Variants in TRERF1 observed in about 807,000 individuals in gnomAD.
TRERF1 encodes the protein transcriptional regulating factor 1, also known as transcriptional-regulating factor 1.
A neutral mutation model predicts 122.9 loss-of-function variants in TRERF1; 27 were observed. The observed-to-expected ratio is 0.22, with a 90% CI of 0.16 to 0.30. TRERF1 has a LOEUF of 0.30. Among genes scored for constraint, TRERF1 ranks in the 10% least tolerant of loss-of-function variants. TRERF1 has a pLI of 1.00. For missense variants in TRERF1, 1,248 were observed against 1,560.3 expected (o/e 0.80, Z 3.37); for synonymous variants, 636 against 641.7 (o/e 0.99, Z 0.13).
At chr6:42,257,574 C>A (rs1777005172) in intron 10 of TRERF1, among the ~76,000 whole-genome samples, 1 of 152,202 alleles carries the variant, frequency 6.6e-6, no homozygotes, top group Admixed American at 6.5e-5. Flanking sequence ...CTAAACCCTA[C>A]AAAGGTTAAC....
At chr6:42,238,238 G>A (rs1282511416) in intron 15 of TRERF1, among the ~76,000 whole-genome samples, 1 of 152,140 alleles carries the variant, frequency 6.6e-6, no homozygotes, top group Non-Finnish European at 1.5e-5. Flanking sequence ...AGATGACAAT[G>A]CCATTTGTTT....
intron 2 of TRERF1, among the ~76,000 whole-genome samples, chr6:42,441,465 G>A (rs1253510896): frequency 6.6e-6 from 1 of 152,160 alleles, no homozygotes; most frequent in African/African-American, 2.4e-5. Context: ...TAAAAGGAAT[G>A]GGGGATGGGA....
chr6:42,262,157 C>T (rs763696586), intron 8 of TRERF1, among the ~76,000 whole-genome samples: 4 of 152,086 alleles, frequency 2.6e-5, no homozygotes, highest in Non-Finnish European at 5.9e-5. Flanking sequence ...TGTTGCTGAC[C>T]CCCAAGTCCT....
At chr6:42,303,777 G>A (rs1582920446) in intron 3 of TRERF1, among the ~76,000 whole-genome samples, 4 of 151,996 alleles carry the variant, frequency 2.6e-5, no homozygotes, top group African/African-American at 9.7e-5. Context: ...TTAGCCAGGT[G>A]TGGTGGTTTG....
Position 42,259,397 on chromosome 6 carries a change from G to A in TRERF1, c.2211C>T (p.His737=), listed in dbSNP as rs1332924205. The A allele has an allele frequency of 2.6e-6, 4 of 1,531,748 alleles. No individual in the cohort carries two copies. Among genetic ancestry groups the A allele is most frequent in the Admixed American group, 2.1e-5 (1 of 48,460 alleles). The allele number at this position is 1,531,748 out of a possible 1,614,324, so 94.9% of individuals were successfully genotyped here. The change falls in exon 9 of 18, where the codon CAC becomes CAT. Residue 737 remains histidine (H), a synonymous_variant. Coordinates refer to ENST00000372922, the Ensembl canonical transcript of TRERF1. The surrounding 1 kb of genome is among the most constrained non-coding windows in gnomAD (Gnocchi z 4.9). ...TCAGGGGCGTCAGGGGCAGCTGCGG[G>A]TGGGCGCCAGGGCCGTGGCCGGAGA... is the stretch of plus-strand genomic sequence containing the variant.
intron 10 of TRERF1, among the ~76,000 whole-genome samples, chr6:42,257,622 A>C (rs1000925196): frequency 3.3e-5 from 5 of 152,250 alleles, no homozygotes; most frequent in African/African-American, 1.2e-4. Flanking sequence ...GTTGGAACTT[A>C]GGTTTTTTGA....
chr6:42,415,263 G>A (rs1781674127), intron 2 of TRERF1, among the ~76,000 whole-genome samples: 1 of 151,714 alleles, frequency 6.6e-6, no homozygotes, highest in East Asian at 1.9e-4. Context: ...TTATTTTTAA[G>A]GGCTCTTTGT....
intron 4 of TRERF1, among the ~76,000 whole-genome samples, chr6:42,282,790 T>C (rs1187464765): frequency 2.0e-5 from 3 of 152,218 alleles, no homozygotes; most frequent in African/African-American, 4.8e-5. Context: ...AAAGTCTCTA[T>C]GATCACTGAA....
chr6:42,396,398 A>AGGGT (rs1778590420), intron 2 of TRERF1, among the ~76,000 whole-genome samples: 1 of 152,092 alleles, frequency 6.6e-6, no homozygotes, highest in Non-Finnish European at 1.5e-5. Context: ...TAGTACTTTG[A>AGGGT]AGGCAAATAA....
intron 2 of TRERF1, among the ~76,000 whole-genome samples, chr6:42,397,105 G>A (rs1463484394): frequency 6.6e-6 from 1 of 152,184 alleles, no homozygotes; most frequent in African/African-American, 2.4e-5. Context: ...AAGATTAACT[G>A]ATCTGCAGCC....
At chr6:42,301,210 G>GTTGTTTTGTT (rs113733458) in intron 3 of TRERF1, among the ~76,000 whole-genome samples, 2 of 151,788 alleles carry the variant, frequency 1.3e-5, no homozygotes, top group South Asian at 2.1e-4. Context: ...TGAAGAACCA[G>GTTGTTTTGTT]TTGTTTTGTT....
intron 2 of TRERF1, among the ~76,000 whole-genome samples, chr6:42,379,405 A>G (rs754987236): frequency 2.0e-5 from 3 of 151,918 alleles, no homozygotes; most frequent in Non-Finnish European, 4.4e-5. Context: ...CCATCCTTAA[A>G]ACCAAGGGCC....
At chr6:42,429,103 A>G (rs1324101516) in intron 2 of TRERF1, among the ~76,000 whole-genome samples, 1 of 152,226 alleles carries the variant, frequency 6.6e-6, no homozygotes, top group Non-Finnish European at 1.5e-5. Context: ...GCCACTCATT[A>G]TTTTAAGTGA....
At chr6:42,258,318 G>T in intron 9 of TRERF1, 117 bp from the exon 10 acceptor site, 1 of 869,542 alleles carries the variant, frequency 1.2e-6, no homozygotes, top group Non-Finnish European at 1.8e-6. Context: ...CCCAGCTCCT[G>T]CCAGAGTTAT....
Position 42,395,918 on chromosome 6 carries a change from CCTGTGGATTGACCACA to C in TRERF1, c.-453-32855_-453-32840del, listed in dbSNP as rs1778503676. Among the ~76,000 whole-genome samples, 4 of 152,244 alleles carry C rather than the reference CCTGTGGATTGACCACA, an allele frequency of 2.6e-5. No individual in the cohort carries two copies. The South Asian group carries it at 8.3e-4, about 32-fold the overall frequency. On this transcript the variant is annotated intron_variant, in intron 2 of 17. Coordinates refer to ENST00000372922, the Ensembl canonical transcript of TRERF1. Reference sequence around the variant, plus strand: ...TCAAACTACCTCACGCTCACTGAGACCTGTGGATTGACCACACTGTTCAACCAACATGTGATTCCAA... The same window carrying C: ...TCAAACTACCTCACGCTCACTGAGACCTGTTCAACCAACATGTGATTCCAA...
At position 42,251,739 on chromosome 6, in the gene TRERF1, G is replaced by C. The variant is rs76288062; in HGVS notation, c.2656+3112C>G. 3.3e-3 allele frequency among the ~76,000 whole-genome samples: 500 copies of C among 152,202 alleles called. 4 individuals are homozygous for C. Among genetic ancestry groups the C allele is most frequent in the African/African-American group, 0.011 (461 of 41,516 alleles). On this transcript the variant is annotated intron_variant, in intron 13 of 17. Transcript: ENST00000372922. ...CAGCTTCCAAGGCAGAAGAGACAAG[G>C]CCTCTCCAATGGAATGAGTATTTCC...
intron 3 of TRERF1, among the ~76,000 whole-genome samples, chr6:42,350,475 C>T (rs972174419): frequency 6.6e-6 from 1 of 152,172 alleles, no homozygotes; most frequent in African/African-American, 2.4e-5. Flanking sequence ...TCATCAGATG[C>T]CACCTCTCAG....
chr6:42,388,816 C>T (rs1329076033), intron 2 of TRERF1, among the ~76,000 whole-genome samples: 2 of 152,180 alleles, frequency 1.3e-5, no homozygotes, highest in African/African-American at 4.8e-5. Flanking sequence ...GACAGTCCAG[C>T]TTATGGCTTC....
At chr6:42,354,135 G>A (rs998995584) in intron 3 of TRERF1, among the ~76,000 whole-genome samples, 10 of 152,180 alleles carry the variant, frequency 6.6e-5, no homozygotes, top group Admixed American at 3.3e-4. Flanking sequence ...TTTGGATCCA[G>A]CTGCCTTGGA....
Sources: gnomAD v4.1 joint callset for allele counts (sites outside exome capture counted in the v4.1 genomes callset) on GRCh38, gnomAD v4.1.1 for gene constraint, Gnocchi (gnomAD v3.1) non-coding constraint, MANE v1.5 for transcripts, NCBI Gene and HGNC (gene_info 2026-07-23, HGNC 2026-07-21) for gene names.